LRFN5: variants seen among roughly 807,000 people sequenced by gnomAD.
LRFN5 encodes leucine rich repeat and fibronectin type III domain containing 5, also known as leucine-rich repeat and fibronectin type-III domain-containing protein 5.
LRFN5 carries 24 observed loss-of-function variants against 45.6 expected under a neutral mutation model. That is an observed-to-expected ratio of 0.53 (90% confidence interval 0.38 to 0.74). The LOEUF (loss-of-function observed/expected upper bound fraction) is 0.74. Among genes scored for constraint, LRFN5 ranks in the 30% least tolerant of loss-of-function variants. LRFN5 has a pLI of 0.00. For synonymous variants in LRFN5, 340 were observed against 313.8 expected (o/e 1.08, Z -0.88); for missense variants, 776 against 861.5 (o/e 0.90, Z 1.24).
At chr14:41,623,264 C>A (rs1444926088) in intron 1 of LRFN5, among the ~76,000 whole-genome samples, 1 of 152,134 alleles carries the variant, frequency 6.6e-6, no homozygotes, top group Admixed American at 6.6e-5. Context: ...CCACCCGAAT[C>A]TCATCTTGAT....
At chr14:41,822,195 A>G (rs1888138916) in intron 2 of LRFN5, among the ~76,000 whole-genome samples, 1 of 151,496 alleles carries the variant, frequency 6.6e-6, no homozygotes, top group Admixed American at 6.6e-5. Flanking sequence ...TTTCTTCCGC[A>G]AATTTTGGGC....
intron 2 of LRFN5, among the ~76,000 whole-genome samples, chr14:41,877,408 G>T (rs1890222256): frequency 6.6e-6 from 1 of 152,134 alleles, no homozygotes; most frequent in Non-Finnish European, 1.5e-5. Flanking sequence ...CTACAAGTTA[G>T]AGAAGGCACA....
At chr14:41,809,244 T>G (rs1404738307) in intron 2 of LRFN5, among the ~76,000 whole-genome samples, 1 of 152,038 alleles carries the variant, frequency 6.6e-6, no homozygotes. Flanking sequence ...GAAGTGAATA[T>G]AAAATGGAAT....
intron 2 of LRFN5, among the ~76,000 whole-genome samples, chr14:41,884,860 AT>A: frequency 6.6e-6 from 1 of 152,268 alleles, no homozygotes; most frequent in Non-Finnish European, 1.5e-5. Flanking sequence ...ATCTGGGGTC[AT>A]TCTAAATATA....
At chr14:41,777,804 G>GC (rs1886343955) in intron 2 of LRFN5, among the ~76,000 whole-genome samples, 1 of 151,680 alleles carries the variant, frequency 6.6e-6, no homozygotes, top group Non-Finnish European at 1.5e-5. Flanking sequence ...AAGCACAATT[G>GC]TCCCTTTTAT....
chr14:41,665,255 T>G (rs1400531549), intron 1 of LRFN5, among the ~76,000 whole-genome samples: 1 of 151,860 alleles, frequency 6.6e-6, no homozygotes, highest in Non-Finnish European at 1.5e-5. Flanking sequence ...CTGTAATGTT[T>G]TCCAATGAAG....
chr14:41,825,929 A>G (rs1002862946), intron 2 of LRFN5, among the ~76,000 whole-genome samples: 1 of 152,174 alleles, frequency 6.6e-6, no homozygotes, highest in Non-Finnish European at 1.5e-5. Flanking sequence ...TACCTTTTCC[A>G]TAGGACTTCA....
At chr14:41,622,124 CCT>C (rs1468032590) in intron 1 of LRFN5, among the ~76,000 whole-genome samples, 1 of 114,972 alleles carries the variant, frequency 8.7e-6, no homozygotes, top group Admixed American at 8.9e-5. Context: ...TCTTTCCATC[CCT>C]CTTTTTTTTT....
At chr14:41,624,628 C>T (rs1011868365) in intron 1 of LRFN5, among the ~76,000 whole-genome samples, 17 of 152,054 alleles carry the variant, frequency 1.1e-4, no homozygotes, top group Admixed American at 1.3e-4. Context: ...ACTAAAGTAA[C>T]ATTTTGGTTA....
chr14:41,826,574 T>C (rs76949760), intron 2 of LRFN5, among the ~76,000 whole-genome samples: 1,683 of 152,274 alleles, frequency 0.011, 29 homozygotes, highest in African/African-American at 0.039. Context: ...GTTGGTCCAA[T>C]ATATACTCAA....
intron 1 of LRFN5, 46 bp downstream of exon 1, chr14:41,608,608 T>C (rs1455002593): frequency 6.5e-6 from 1 of 152,706 alleles, no homozygotes; most frequent in Non-Finnish European, 1.5e-5. Context: ...CCTTTTGATC[T>C]TGTTTCTAGT....
At chr14:41,736,652 A>G (rs1323877275) in intron 1 of LRFN5, among the ~76,000 whole-genome samples, 1 of 152,192 alleles carries the variant, frequency 6.6e-6, no homozygotes, top group Non-Finnish European at 1.5e-5. Context: ...AACACAATAA[A>G]AAATGATAAA....
intron 1 of LRFN5, among the ~76,000 whole-genome samples, chr14:41,625,639 C>T (rs911896653): frequency 6.6e-6 from 1 of 152,066 alleles, no homozygotes; most frequent in African/African-American, 2.4e-5. Context: ...AAGTTTATTG[C>T]TGTGTGTCCA....
chr14:41,699,438 GAGAT>G (rs1882749652), intron 1 of LRFN5: 1 of 152,080 alleles, frequency 6.6e-6, no homozygotes, highest in African/African-American at 2.4e-5. Flanking sequence ...ACTTCAGTGA[GAGAT>G]AGAACAACAT....
intron 1 of LRFN5, among the ~76,000 whole-genome samples, chr14:41,685,814 A>G (rs913772384): frequency 1.3e-5 from 2 of 152,104 alleles, no homozygotes; most frequent in African/African-American, 4.8e-5. Flanking sequence ...GTACGGCTTC[A>G]TTAGTCCATA....
chr14:41,798,086 A>G (rs1478502536), intron 2 of LRFN5, among the ~76,000 whole-genome samples: 2 of 151,920 alleles, frequency 1.3e-5, no homozygotes, highest in Non-Finnish European at 2.9e-5. Context: ...CTCTCTAGAC[A>G]TGCTCCAAAC....
At chr14:41,824,468 G>A (rs1288362888) in intron 2 of LRFN5, among the ~76,000 whole-genome samples, 1 of 152,162 alleles carries the variant, frequency 6.6e-6, no homozygotes, top group African/African-American at 2.4e-5. Flanking sequence ...AATCTCAGTT[G>A]TAGTAGTGAT....
chr14:41,880,754 T>C (rs1204782007), intron 2 of LRFN5, among the ~76,000 whole-genome samples: 1 of 152,136 alleles, frequency 6.6e-6, no homozygotes, highest in Non-Finnish European at 1.5e-5. Flanking sequence ...AACTGTGGAT[T>C]TAAAAAAAAT....
rs556396515 is a variant in LRFN5, at chr14:41,898,150, G to A, written c.2099-767G>A. On this transcript the variant is annotated intron_variant, in intron 4 of 5. Transcript: ENST00000298119. The stretch of plus-strand genomic sequence containing the variant: ...GTAAAAAACAATTTGTCTCAATCTC[G>A]TGACACTCACCTGTGAATCCTAAGA... Among the ~76,000 whole-genome samples, 11 of 151,962 alleles carry A rather than the reference G, an allele frequency of 7.2e-5. 1 individual carries two copies. The South Asian group carries it at 2.3e-3, about 32-fold the overall frequency.
Sources: gnomAD v4.1 joint callset for allele counts (sites outside exome capture counted in the v4.1 genomes callset) on GRCh38, gnomAD v4.1.1 for gene constraint, MANE v1.5 for transcripts, NCBI Gene and HGNC (gene_info 2026-07-23, HGNC 2026-07-21) for gene names.